IL1RAPL1: variants seen among roughly 807,000 people sequenced by gnomAD.
The protein encoded by IL1RAPL1 is interleukin-1 receptor accessory protein-like 1.
IL1RAPL1 carries 3 observed loss-of-function variants against 48.4 expected under a neutral mutation model. The observed-to-expected ratio is 0.06, with a 90% CI of 0.03 to 0.16. The LOEUF (loss-of-function observed/expected upper bound fraction) is 0.16, where lower values mean the gene tolerates loss of function less well. Among genes scored for constraint, IL1RAPL1 ranks in the 10% least tolerant of loss-of-function variants. The pLI, the probability that IL1RAPL1 is intolerant of heterozygous loss-of-function variation, is 1.00. For synonymous variants in IL1RAPL1, 185 were observed against 187.7 expected (o/e 0.99, Z 0.12); for missense variants, 349 against 530.6 (o/e 0.66, Z 3.36).
rs190004949 is a variant in IL1RAPL1, at chrX:29,134,137, A to G, written c.83-148801A>G. ...TGGTCGTTTCCACCTTTTGGAAAAT[A>G]TAAATAAAGCTGCTATAAATATTTG... On this transcript the variant is annotated intron_variant, in intron 2 of 10. Transcript: ENST00000378993. Among the ~76,000 whole-genome samples, 691 of 112,286 alleles carry G rather than the reference A, an allele frequency of 6.2e-3. 7 individuals carry two copies. The highest frequency in any genetic ancestry group is 0.021 in the African/African-American group (650 of 30,980).
chrX:29,685,646 A>G (rs1281240890), intron 6 of IL1RAPL1, among the ~76,000 whole-genome samples: 1 of 111,697 alleles, frequency 9.0e-6, no homozygotes, highest in African/African-American at 3.3e-5. Flanking sequence ...AGGTTTCATA[A>G]ACACTAGTAT....
intron 5 of IL1RAPL1, among the ~76,000 whole-genome samples, chrX:29,458,719 G>A (rs911347566): frequency 5.6e-5 from 4 of 71,375 alleles, no homozygotes; most frequent in Non-Finnish European, 8.0e-5. Context: ...ATCAGAGAAC[G>A]TTTTTGTTTT....
intron 2 of IL1RAPL1, among the ~76,000 whole-genome samples, chrX:28,904,826 A>G (rs1419521723): frequency 2.7e-5 from 3 of 112,444 alleles, no homozygotes; most frequent in East Asian, 5.5e-4. Context: ...TATGCAATAG[A>G]GAAATATCAA....
intron 2 of IL1RAPL1, among the ~76,000 whole-genome samples, chrX:29,259,605 T>A (rs1931816348): frequency 9.0e-6 from 1 of 111,000 alleles, no homozygotes; most frequent in African/African-American, 3.3e-5. Context: ...ATTTTAAAAT[T>A]TAATTGATGC....
intron 2 of IL1RAPL1, among the ~76,000 whole-genome samples, chrX:29,167,624 A>G (rs934268438): frequency 9.0e-6 from 1 of 110,688 alleles, no homozygotes; most frequent in Non-Finnish European, 1.9e-5. Context: ...TAAAGACAAT[A>G]AAGTTGATAG....
intron 6 of IL1RAPL1, among the ~76,000 whole-genome samples, chrX:29,784,346 A>C (rs984439139): frequency 9.0e-6 from 1 of 111,242 alleles, no homozygotes; most frequent in Non-Finnish European, 1.9e-5. Flanking sequence ...ATACCTTGGG[A>C]TTATTCAGTT....
intron 2 of IL1RAPL1, among the ~76,000 whole-genome samples, chrX:29,199,639 T>C (rs780144722): frequency 9.0e-6 from 1 of 111,285 alleles, no homozygotes. Flanking sequence ...ATAGGTTTGC[T>C]CTCCTATGAG....
chrX:28,961,824 T>C (rs779759358), intron 2 of IL1RAPL1, among the ~76,000 whole-genome samples: 2 of 111,985 alleles, frequency 1.8e-5, no homozygotes, highest in Non-Finnish European at 3.8e-5. Context: ...GCCAGTTGTC[T>C]CCTGGGAAGC....
intron 6 of IL1RAPL1, among the ~76,000 whole-genome samples, chrX:29,908,687 A>G (rs1932699184): frequency 8.9e-6 from 1 of 112,140 alleles, no homozygotes; most frequent in South Asian, 3.6e-4. Flanking sequence ...AGAATGTTAT[A>G]TCAAAAGGAC....
intron 1 of IL1RAPL1, among the ~76,000 whole-genome samples, chrX:28,671,809 A>C (rs1934948884): frequency 8.9e-6 from 1 of 111,905 alleles, no homozygotes; most frequent in African/African-American, 3.2e-5. Context: ...GTAGGTCCGC[A>C]CTGGTATTTA....
intron 6 of IL1RAPL1, among the ~76,000 whole-genome samples, chrX:29,777,717 T>G (rs1262685121): frequency 9.1e-6 from 1 of 109,829 alleles, no homozygotes; most frequent in Non-Finnish European, 1.9e-5. Flanking sequence ...TGGTAAGAAG[T>G]TTTTTTTTCA....
At chrX:29,363,240 T>G (rs1374958895) in intron 3 of IL1RAPL1, among the ~76,000 whole-genome samples, 1 of 112,064 alleles carries the variant, frequency 8.9e-6, no homozygotes, top group Non-Finnish European at 1.9e-5. Flanking sequence ...CATCTTAACT[T>G]TTTAAGTATA....
intron 2 of IL1RAPL1, among the ~76,000 whole-genome samples, chrX:29,223,924 A>G (rs753852401): frequency 9.0e-6 from 1 of 111,653 alleles, no homozygotes; most frequent in Admixed American, 9.6e-5. Context: ...ATATATAAAC[A>G]TTCCAGAAAG....
chrX:28,910,362 A>T (rs1471182840), intron 2 of IL1RAPL1, among the ~76,000 whole-genome samples: 1 of 111,045 alleles, frequency 9.0e-6, no homozygotes, highest in African/African-American at 3.3e-5. Flanking sequence ...AAATCTTAGG[A>T]TTCTGTGTCA....
At chrX:29,680,289 T>C (rs1926410572) in intron 6 of IL1RAPL1, among the ~76,000 whole-genome samples, 1 of 111,372 alleles carries the variant, frequency 9.0e-6, no homozygotes, top group Non-Finnish European at 1.9e-5. Context: ...TGGGTCTGGG[T>C]GAGTAGAGGA....
At chrX:29,333,660 G>A (rs1932921108) in intron 3 of IL1RAPL1, among the ~76,000 whole-genome samples, 1 of 82,609 alleles carries the variant, frequency 1.2e-5, no homozygotes. Context: ...GGGCGGCCGG[G>A]CAGAGGCGCC....
At chrX:29,071,737 T>C (rs6526832) in intron 2 of IL1RAPL1, among the ~76,000 whole-genome samples, 26,460 of 110,626 alleles carry the variant, frequency 0.24, 2,949 homozygotes, top group African/African-American at 0.43. Flanking sequence ...TTTTAATAGA[T>C]TCTAGCATTC....
At chrX:29,058,052 C>T (rs1927260390) in intron 2 of IL1RAPL1, among the ~76,000 whole-genome samples, 1 of 110,920 alleles carries the variant, frequency 9.0e-6, no homozygotes, top group East Asian at 2.8e-4. Context: ...TATTTCTGTC[C>T]ATGAAAAATG....
chrX:29,479,208 G>T (rs1200855552), intron 5 of IL1RAPL1, among the ~76,000 whole-genome samples: 1 of 108,203 alleles, frequency 9.2e-6, no homozygotes, highest in Non-Finnish European at 1.9e-5. Flanking sequence ...CCAGGAGTTT[G>T]AGACTAGCCT....
Sources: allele counts gnomAD v4.1 joint callset (sites outside exome capture counted in the v4.1 genomes callset), GRCh38; gene constraint gnomAD v4.1.1; transcripts MANE v1.5; gene names NCBI Gene and HGNC (gene_info 2026-07-23, HGNC 2026-07-21).